TRIM37: variants seen among roughly 807,000 people sequenced by gnomAD.
TRIM37 encodes the protein tripartite motif containing 37, also known as E3 ubiquitin-protein ligase TRIM37.
In TRIM37, 80 loss-of-function variants were observed where a neutral mutation model predicts 129.8. The observed-to-expected ratio is 0.62, with a 90% confidence interval of 0.51 to 0.74. The LOEUF (loss-of-function observed/expected upper bound fraction) is 0.74. Ranked by LOEUF, TRIM37 falls within the 30% of genes least tolerant of loss-of-function variation. The pLI is 0.00. For synonymous variants in TRIM37, 389 were observed against 387.1 expected (o/e 1.00, Z -0.06); for missense variants, 1,054 against 1,176.5 (o/e 0.90, Z 1.52).
intron 2 of TRIM37, among the ~76,000 whole-genome samples, chr17:59,100,932 G>A (rs1378814445): frequency 6.7e-6 from 1 of 150,130 alleles, no homozygotes. Flanking sequence ...TGAGGCAGGA[G>A]AATCACTCGA....
intron 18 of TRIM37, among the ~76,000 whole-genome samples, 187 bp from the exon 19 acceptor site, chr17:59,028,910 C>G (rs541772536): frequency 3.8e-4 from 58 of 152,308 alleles, no homozygotes; most frequent in African/African-American, 1.3e-3. Flanking sequence ...TTCACACCTT[C>G]AGAGTTAGAA....
chr17:59,015,912 G>A (rs1435872371), intron 20 of TRIM37, 113 bp from the exon 21 acceptor site: 1 of 986,626 alleles, frequency 1.0e-6, no homozygotes, highest in Non-Finnish European at 1.5e-6. Flanking sequence ...CTGGGAGGCG[G>A]AGGTTGCAGT....
chr17:59,013,612 G>C (rs1481213920), intron 21 of TRIM37, among the ~76,000 whole-genome samples: 1 of 152,042 alleles, frequency 6.6e-6, no homozygotes, highest in Non-Finnish European at 1.5e-5. Context: ...CTAGGTCATG[G>C]GAGTTAAGGA....
At chr17:58,968,092 G>A in the TRIM37 span, among the ~76,000 whole-genome samples, 19 of 152,076 alleles carry the variant, frequency 1.2e-4, no homozygotes, top group Admixed American at 7.9e-4. Flanking sequence ...GTGAGCCACC[G>A]CACCCGGCCA....
At chr17:59,023,946 G>A (rs1435135049) in intron 19 of TRIM37, among the ~76,000 whole-genome samples, 1 of 151,980 alleles carries the variant, frequency 6.6e-6, no homozygotes, top group Non-Finnish European at 1.5e-5. Flanking sequence ...AGGTGTGGTG[G>A]CTCACGCTTG....
At position 59,054,997 on chromosome 17, in the gene TRIM37, G is replaced by A. The variant is rs879929165; in HGVS notation, c.1199+1878C>T. On this transcript the variant is annotated intron_variant, in intron 13 of 23. Transcript: ENST00000262294. ...GGCTGTTGTTTGAGTCAGTATTTAC[G>A]TTCTATCCTTTCTTGTAAATACTAC... is the stretch of plus-strand genomic sequence containing the variant. Among the ~76,000 whole-genome samples, 48 of 151,950 alleles carry A rather than the reference G, an allele frequency of 3.2e-4. 1 individual carries two copies. The highest frequency in any genetic ancestry group is 2.1e-3 in the South Asian group (10 of 4,808).
rs199714666 is a variant in TRIM37 at position 59,056,922 on chromosome 17, G to T, written c.1152C>A (p.Leu384=). The change falls in exon 13 of 24, where the codon CTC becomes CTA. Residue 384 remains leucine (L), a synonymous_variant. Coordinates refer to ENST00000262294, the MANE Select transcript of TRIM37 (RefSeq NM_015294.6). ...GTGGATTCAAGTATCCTTCATTTGCGAGTAAGTCCAAACGGAAAAATCTAT... is the reference window on the plus strand; with the variant it reads ...GTGGATTCAAGTATCCTTCATTTGCTAGTAAGTCCAAACGGAAAAATCTAT... ...GYNRFFRLDL[L]ANEGYLNPQN... The T allele has an allele frequency of 4.3e-6, 7 of 1,613,262 alleles. No homozygotes were observed. The highest frequency in any genetic ancestry group is 5.9e-6 in the Non-Finnish European group (7 of 1,179,842).
rs12951180 is a variant in TRIM37 at position 59,091,510 on chromosome 17, C to T, written c.124-170G>A. Among the ~76,000 whole-genome samples, 33,051 of 71,628 alleles carry T rather than the reference C, an allele frequency of 0.46. 4,688 individuals carry two copies. The highest frequency in any genetic ancestry group is 0.59 in the African/African-American group (12,985 of 21,902). The allele number at this position is 71,628 out of a possible 152,430, so 47.0% of individuals were successfully genotyped here. On this transcript the variant is annotated intron_variant, in intron 2 of 23. Transcript: ENST00000262294. ...TATAATATATTATTATATAACATAT[C>T]ATATATATATAATGTATAATGTATA...
chr17:59,077,485 G>C (rs1850886038), intron 7 of TRIM37, among the ~76,000 whole-genome samples: 1 of 152,030 alleles, frequency 6.6e-6, no homozygotes, highest in South Asian at 2.1e-4. Context: ...ATTAGCCTAT[G>C]GACAACATTA....
rs374078054 is a variant in TRIM37 at position 59,075,663 on chromosome 17, T to C, written c.668A>G (p.Gln223Arg). The C allele has an allele frequency of 4.3e-6, 7 of 1,609,784 alleles. No homozygotes were observed. The highest frequency in any genetic ancestry group is 1.3e-5 in the African/African-American group (1 of 74,788). Reference sequence around the variant, plus strand: ...TTTCATCACCTGGTGCTCCACCTCCTGAAGTAAGGATTCCAAAAGCTCTGT... The same window carrying C: ...TTTCATCACCTGGTGCTCCACCTCCCGAAGTAAGGATTCCAAAAGCTCTGT... ...QETELLESLL[Q>R]EVEHQLRSCS... is the part of the protein sequence containing the mutation. Residue 223 changes from glutamine (Q) to arginine (R), a missense_variant, in exon 8 of 24, where the codon CAG (glutamine) becomes CGG (arginine). Coordinates refer to ENST00000262294, the MANE Select transcript of TRIM37 (RefSeq NM_015294.6).
At chr17:59,064,440 T>C (rs528593615) in intron 9 of TRIM37, 35 bp from the exon 10 acceptor site, 1 of 1,519,344 alleles carries the variant, frequency 6.6e-7, no homozygotes, top group East Asian at 2.3e-5. Flanking sequence ...TTATTTAGCT[T>C]ACATGTTTAA....
chr17:59,023,162 A>ACCT (rs2036815735), intron 19 of TRIM37, among the ~76,000 whole-genome samples: 1 of 151,874 alleles, frequency 6.6e-6, no homozygotes, highest in Non-Finnish European at 1.5e-5. Context: ...TGCAACCTCC[A>ACCT]CCTCCTGGGT....
intron 22 of TRIM37, among the ~76,000 whole-genome samples, chr17:59,004,603 G>A (rs1385012425): frequency 6.6e-6 from 1 of 152,008 alleles, no homozygotes; most frequent in Non-Finnish European, 1.5e-5. Flanking sequence ...GAATGAAAGA[G>A]GACATCAACT....
At chr17:59,034,127 G>A (rs924060414) in intron 17 of TRIM37, among the ~76,000 whole-genome samples, 2 of 151,800 alleles carry the variant, frequency 1.3e-5, no homozygotes, top group Admixed American at 1.3e-4. Context: ...AAAGGATACG[G>A]AGGTGAGATC....
At chr17:59,026,276 G>C (rs1177270998) in intron 19 of TRIM37, among the ~76,000 whole-genome samples, 1 of 152,162 alleles carries the variant, frequency 6.6e-6, no homozygotes, top group Non-Finnish European at 1.5e-5. Flanking sequence ...ATGGATGAAA[G>C]ACTAAAAGTA....
intron 6 of TRIM37, 122 bp downstream of exon 6, chr17:59,080,975 C>T (rs1229062314): frequency 4.3e-6 from 2 of 463,116 alleles, no homozygotes; most frequent in Non-Finnish European, 6.2e-6. Flanking sequence ...TAGGTACAGC[C>T]TATCAAATTT....
At chr17:59,051,164 A>G (rs752265998) in intron 14 of TRIM37, 50 bp downstream of exon 14, 1 of 1,169,122 alleles carries the variant, frequency 8.6e-7, no homozygotes, top group Non-Finnish European at 1.3e-6. Context: ...AAATATAACA[A>G]GCCAAAAGGA....
chr17:58,978,145 C>A (rs1031898247), downstream of TRIM37, among the ~76,000 whole-genome samples: 1 of 152,038 alleles, frequency 6.6e-6, no homozygotes, highest in Non-Finnish European at 1.5e-5. Context: ...TCAAAAAGTT[C>A]GGTTTTAGTG....
intron 2 of TRIM37, among the ~76,000 whole-genome samples, chr17:59,095,368 T>C (rs148279766): frequency 4.8e-4 from 73 of 152,306 alleles, no homozygotes; most frequent in African/African-American, 1.4e-3. Context: ...AAAAGGTTCA[T>C]TGGATTTAGC....
Sources: gnomAD v4.1 joint callset for allele counts (sites outside exome capture counted in the v4.1 genomes callset) on GRCh38, gnomAD v4.1.1 for gene constraint, MANE v1.5 for transcripts, NCBI Gene and HGNC (gene_info 2026-07-23, HGNC 2026-07-21) for gene names.